The following PID1 variants were observed in gnomAD, a reference collection of about 807,000 sequenced individuals.
The protein encoded by PID1 is PTB-containing, cubilin and LRP1-interacting protein.
A neutral mutation model predicts 19.1 loss-of-function variants in PID1; 10 were observed. That is an observed-to-expected ratio of 0.52 (90% CI 0.32 to 0.89). The LOEUF (loss-of-function observed/expected upper bound fraction) is 0.89, where lower values mean the gene tolerates loss of function less well. PID1 is among the 40% of genes least tolerant of loss of function. PID1 has a pLI of 0.03. For missense variants in PID1, 248 were observed against 285.3 expected, an observed-to-expected ratio of 0.87 and a Z score of 0.94; for synonymous variants, 130 against 116.0, an observed-to-expected ratio of 1.12 and a Z score of -0.78.
At chr2:229,209,636 A>G (rs1691683506) in intron 1 of PID1, among the ~76,000 whole-genome samples, 1 of 152,192 alleles carries the variant, frequency 6.6e-6, no homozygotes, top group Non-Finnish European at 1.5e-5. Flanking sequence ...TGTTTTGTCC[A>G]TTTCATATAT....
intron 2 of PID1, among the ~76,000 whole-genome samples, chr2:229,113,461 C>G (rs1462662044): frequency 7.0e-6 from 1 of 142,476 alleles, no homozygotes; most frequent in Non-Finnish European, 1.5e-5. Context: ...AACACACACA[C>G]ACATAGATAT....
intron 2 of PID1, among the ~76,000 whole-genome samples, chr2:229,081,002 C>CTTT (rs1405071528): frequency 6.6e-6 from 1 of 152,186 alleles, no homozygotes; most frequent in Admixed American, 6.5e-5. Flanking sequence ...ATGCTAGTGG[C>CTTT]AAAGGATAAT....
intron 2 of PID1, among the ~76,000 whole-genome samples, chr2:229,082,457 T>C (rs1396332228): frequency 2.0e-5 from 3 of 152,230 alleles, no homozygotes; most frequent in African/African-American, 4.8e-5. Context: ...TACTAATCAG[T>C]TGACCTTAAG....
chr2:229,184,769 GTATATATATATCCCGTATATA>G lies in PID1; in HGVS notation c.31-28826_31-28806del, dbSNP rs201602990. On this transcript the variant is annotated intron_variant, in intron 1 of 2. Transcript: ENST00000392055. ...TATATCCCGTATATATATATATCCC[GTATATATATATCCCGTATATA>G]TATATATATCCCGTATATATATATC... Among the ~76,000 whole-genome samples, 8 of 5,168 alleles carry G rather than the reference GTATATATATATCCCGTATATA, an allele frequency of 1.5e-3. 4 individuals are homozygous for G. The East Asian group carries it at 0.023, about 15-fold the overall frequency. The allele number at this position is 5,168 out of a possible 152,430, so 3.4% of individuals were successfully genotyped here.
intron 2 of PID1, among the ~76,000 whole-genome samples, chr2:229,088,659 G>A (rs780213125): frequency 6.6e-6 from 1 of 152,046 alleles, no homozygotes; most frequent in Non-Finnish European, 1.5e-5. Context: ...AAGATACACA[G>A]CAATTTGATC....
At chr2:229,038,388 G>A (rs1017308447) in intron 2 of PID1, among the ~76,000 whole-genome samples, 7 of 152,168 alleles carry the variant, frequency 4.6e-5, no homozygotes, top group Non-Finnish European at 1.0e-4. Context: ...GGAACAACTT[G>A]GATGAATCTC....
chr2:229,052,493 C>T (rs1177452571), intron 2 of PID1, among the ~76,000 whole-genome samples: 1 of 152,064 alleles, frequency 6.6e-6, no homozygotes, highest in Non-Finnish European at 1.5e-5. Flanking sequence ...ATTTCTACTG[C>T]TACCAAGGAT....
intron 2 of PID1, among the ~76,000 whole-genome samples, chr2:229,085,585 CA>C (rs1694747881): frequency 6.6e-6 from 1 of 152,036 alleles, no homozygotes. Flanking sequence ...AAACATCAGT[CA>C]AAATGGTAGT....
At chr2:229,145,713 G>A (rs1261596045) in intron 2 of PID1, among the ~76,000 whole-genome samples, 2 of 152,110 alleles carry the variant, frequency 1.3e-5, no homozygotes, top group Non-Finnish European at 2.9e-5. Flanking sequence ...CCCTGTGACA[G>A]TACCGTGAAT....
intron 1 of PID1, chr2:229,232,026 A>G (rs1692220360): frequency 6.5e-7 from 1 of 1,549,328 alleles, no homozygotes; most frequent in Non-Finnish European, 8.7e-7. Context: ...GTCCTCACAC[A>G]GTGGAAGGCT....
At chr2:229,063,172 A>G (rs1694246847) in intron 2 of PID1, among the ~76,000 whole-genome samples, 1 of 151,590 alleles carries the variant, frequency 6.6e-6, no homozygotes, top group Admixed American at 6.6e-5. Flanking sequence ...CTTTGGGCTT[A>G]GTTTGTTCTT....
rs894535600 is a variant in PID1, at chr2:229,034,453, T to A, written c.178-8345A>T. 5.3e-5 allele frequency among the ~76,000 whole-genome samples: 8 copies of A among 152,310 alleles called. No homozygotes were observed. In the South Asian group the frequency reaches 1.7e-3, roughly 32 times the overall value. Reference sequence around the variant, plus strand: ...CCCAAGGTCACAGAGTGGCCAGAACTTGAACCTGGACAGTAGGACCCAGAA... The same window carrying A: ...CCCAAGGTCACAGAGTGGCCAGAACATGAACCTGGACAGTAGGACCCAGAA... On this transcript the variant is annotated intron_variant, in intron 2 of 2. Transcript: ENST00000392055.
chr2:229,083,413 T>G (rs182253240), intron 2 of PID1, among the ~76,000 whole-genome samples: 65 of 152,296 alleles, frequency 4.3e-4, no homozygotes, highest in African/African-American at 1.5e-3. Flanking sequence ...AGATCTAATG[T>G]TACTAGCAAA....
intron 2 of PID1, among the ~76,000 whole-genome samples, chr2:229,129,385 G>A (rs1689669648): frequency 6.9e-6 from 1 of 145,390 alleles, no homozygotes; most frequent in Non-Finnish European, 1.5e-5. Flanking sequence ...CTGCACCCCA[G>A]CCTGGGCAAC....
At chr2:229,093,670 A>T (rs1173227569) in intron 2 of PID1, among the ~76,000 whole-genome samples, 1 of 152,220 alleles carries the variant, frequency 6.6e-6, no homozygotes, top group Non-Finnish European at 1.5e-5. Flanking sequence ...GTGATTCACC[A>T]CATAAACAGA....
chr2:229,259,897 C>G (rs1690411287), intron 1 of PID1, among the ~76,000 whole-genome samples: 1 of 152,060 alleles, frequency 6.6e-6, no homozygotes, highest in Non-Finnish European at 1.5e-5. Flanking sequence ...CGTGAAGGCA[C>G]CATTTCTATG....
intron 1 of PID1, chr2:229,231,909 G>A: frequency 6.5e-7 from 1 of 1,550,130 alleles, no homozygotes; most frequent in Non-Finnish European, 8.7e-7. Flanking sequence ...AAAAAAAACA[G>A]AAATTGATTT....
chr2:229,141,433 G>A (rs1481860298), intron 2 of PID1, among the ~76,000 whole-genome samples: 1 of 152,078 alleles, frequency 6.6e-6, no homozygotes, highest in Middle Eastern at 3.2e-3. Context: ...CAAGCAAGGT[G>A]GACTCTGAAT....
intron 1 of PID1, among the ~76,000 whole-genome samples, chr2:229,161,383 C>T (rs1028904923): frequency 2.6e-5 from 4 of 152,242 alleles, no homozygotes; most frequent in East Asian, 1.9e-4. Context: ...TCCAGGGACC[C>T]ACCTAGAATA....
Sources: allele counts gnomAD v4.1 joint callset (sites outside exome capture counted in the v4.1 genomes callset), GRCh38; gene constraint gnomAD v4.1.1; transcripts MANE v1.5; gene names NCBI Gene and HGNC (gene_info 2026-07-23, HGNC 2026-07-21).